ST6GAL1: variants seen among roughly 807,000 people sequenced by gnomAD.
ST6GAL1 encodes the protein ST6 beta-galactoside alpha-2,6-sialyltransferase 1.
Under a neutral mutation model 38.0 loss-of-function variants are expected in ST6GAL1, and 20 were observed. The ratio of observed to expected loss-of-function variants is 0.53; its 90% CI spans 0.37 to 0.77. ST6GAL1 has a LOEUF of 0.77. ST6GAL1 is among the 30% of genes least tolerant of loss of function. The pLI is 0.00. For missense variants in ST6GAL1, 432 were observed against 496.4 expected (o/e 0.87, Z 1.23); for synonymous variants, 196 against 188.2 (o/e 1.04, Z -0.34).
At chr3:186,991,700 C>A (rs1277563906) in intron 2 of ST6GAL1, among the ~76,000 whole-genome samples, 2 of 152,112 alleles carry the variant, frequency 1.3e-5, no homozygotes, top group African/African-American at 4.8e-5. Context: ...CACCGGCTGG[C>A]CTCATCCCAT....
At chr3:187,006,607 G>T (rs947209378) in intron 2 of ST6GAL1, 3 of 152,136 alleles carry the variant, frequency 2.0e-5, no homozygotes, top group Non-Finnish European at 4.4e-5. Flanking sequence ...TATGTGGTAA[G>T]TATTATTATT....
At chr3:186,945,277 G>A (rs1352702224) in intron 1 of ST6GAL1, among the ~76,000 whole-genome samples, 1 of 151,574 alleles carries the variant, frequency 6.6e-6, no homozygotes, top group Non-Finnish European at 1.5e-5. Context: ...CTGTGCTCTG[G>A]GCTGGGTGAA....
At chr3:187,007,777 C>G (rs1192933676) in intron 2 of ST6GAL1, among the ~76,000 whole-genome samples, 2 of 152,144 alleles carry the variant, frequency 1.3e-5, no homozygotes, top group African/African-American at 4.8e-5. Flanking sequence ...TGACCATTCT[C>G]CACTCTTGAA....
intron 1 of ST6GAL1, among the ~76,000 whole-genome samples, chr3:186,951,146 T>C (rs566341495): frequency 1.3e-5 from 2 of 152,330 alleles, no homozygotes; most frequent in African/African-American, 2.4e-5. Flanking sequence ...CTCGGTTCAC[T>C]GCGTGCAGCC....
intron 5 of ST6GAL1, among the ~76,000 whole-genome samples, chr3:187,052,443 C>A (rs1718548692): frequency 6.6e-6 from 1 of 152,160 alleles, no homozygotes; most frequent in African/African-American, 2.4e-5. Flanking sequence ...GCTATCCCTC[C>A]CCTTGCCCCC....
chr3:187,070,799 A>G (rs544059737), intron 5 of ST6GAL1, among the ~76,000 whole-genome samples: 1 of 152,150 alleles, frequency 6.6e-6, no homozygotes, highest in African/African-American at 2.4e-5. Context: ...CCATTGTTCA[A>G]TTGTCCACCT....
At position 186,984,931 on chromosome 3, in the gene ST6GAL1, T is replaced by C. The variant is rs140829533; in HGVS notation, c.-183+21005T>C. ...CTCTCTCTTTTCTTTCTTTCTGAGA[T>C]AGGGTCTCGCTCTGTCACCCAGGCT... is the stretch of plus-strand genomic sequence containing the variant. On this transcript the variant is annotated intron_variant, in intron 2 of 7. Transcript: ENST00000169298. 3.2e-3 allele frequency among the ~76,000 whole-genome samples: 490 copies of C among 151,048 alleles called. 5 individuals carry two copies. The highest frequency in any genetic ancestry group is 0.011 in the African/African-American group (452 of 41,032).
At chr3:186,938,609 T>A (rs1050083134) in intron 1 of ST6GAL1, among the ~76,000 whole-genome samples, 1 of 152,116 alleles carries the variant, frequency 6.6e-6, no homozygotes, top group African/African-American at 2.4e-5. Flanking sequence ...AAGCAGAAAG[T>A]TAATTAAAAT....
At chr3:187,011,611 G>A (rs1479834823) in intron 2 of ST6GAL1, among the ~76,000 whole-genome samples, 1 of 152,232 alleles carries the variant, frequency 6.6e-6, no homozygotes, top group African/African-American at 2.4e-5. Flanking sequence ...GGAGCTCAGA[G>A]CTGGGTTCCT....
At chr3:187,030,241 G>A (rs567997708) in intron 2 of ST6GAL1, among the ~76,000 whole-genome samples, 6 of 152,286 alleles carry the variant, frequency 3.9e-5, no homozygotes, top group Admixed American at 6.5e-5. Flanking sequence ...CATAGGTAGC[G>A]CTGTCTGCAC....
chr3:186,964,439 G>T (rs11712248), intron 2 of ST6GAL1: 28,863 of 152,104 alleles, frequency 0.19, 2,799 homozygotes, highest in African/African-American at 0.2. Flanking sequence ...AAAGGTAATA[G>T]GTGCTCATAG....
At position 187,075,475 on chromosome 3, in the gene ST6GAL1, G is replaced by C. The variant is rs200930590; in HGVS notation, c.980-87G>C. On this transcript the variant is annotated intron_variant, in intron 7 of 7. Coordinates refer to ENST00000169298, the MANE Select transcript of ST6GAL1 (RefSeq NM_173216.2). This position sits in a 1 kb window ranked among gnomAD's most constrained non-coding sequence, Gnocchi z 4.1. ...CAGAGGGAAAGCTCTCCAAATTTGGGGTCATGAGCTGCTGAACCCACTGGG... is the reference window on the plus strand; with the variant it reads ...CAGAGGGAAAGCTCTCCAAATTTGGCGTCATGAGCTGCTGAACCCACTGGG... 14 of 1,543,584 alleles carry C rather than the reference G, an allele frequency of 9.1e-6. No homozygotes were observed.
At chr3:187,000,646 G>A (rs928241803) in intron 2 of ST6GAL1, among the ~76,000 whole-genome samples, 4 of 152,194 alleles carry the variant, frequency 2.6e-5, no homozygotes, top group Non-Finnish European at 4.4e-5. Flanking sequence ...ATAGGCAATC[G>A]ATGGACTTCT....
chr3:187,052,041 T>C (rs1213679844), intron 5 of ST6GAL1, among the ~76,000 whole-genome samples: 1 of 152,160 alleles, frequency 6.6e-6, no homozygotes, highest in Non-Finnish European at 1.5e-5. Context: ...TGAATAAACA[T>C]ATGTGCTCTG....
chr3:187,027,413 T>C (rs1164457871), intron 2 of ST6GAL1, among the ~76,000 whole-genome samples: 1 of 152,068 alleles, frequency 6.6e-6, no homozygotes, highest in East Asian at 1.9e-4. Context: ...TCTCCCAACC[T>C]CCCAGACTAC....
At chr3:187,015,286 C>T (rs773307294) in intron 2 of ST6GAL1, among the ~76,000 whole-genome samples, 1 of 152,148 alleles carries the variant, frequency 6.6e-6, no homozygotes, top group Non-Finnish European at 1.5e-5. Flanking sequence ...CTAGGACCTT[C>T]GGAGTTATTC....
intron 2 of ST6GAL1, among the ~76,000 whole-genome samples, chr3:186,990,025 C>T (rs1716103142): frequency 6.6e-6 from 1 of 152,182 alleles, no homozygotes. Flanking sequence ...GTACCAGCTC[C>T]ATGACCTTGG....
intron 5 of ST6GAL1, chr3:187,064,381 C>T (rs755931293): frequency 7.7e-6 from 3 of 390,224 alleles, no homozygotes; most frequent in Non-Finnish European, 1.6e-5. Context: ...GCCCAGTAGG[C>T]ACATGTATTA....
chr3:187,011,046 G>A (rs1716940657), intron 2 of ST6GAL1, among the ~76,000 whole-genome samples: 2 of 152,144 alleles, frequency 1.3e-5, no homozygotes, highest in South Asian at 2.1e-4. Context: ...AAAGTGTGGC[G>A]TTTTCTCTAA....
Sources: allele counts gnomAD v4.1 joint callset (sites outside exome capture counted in the v4.1 genomes callset), GRCh38; gene constraint gnomAD v4.1.1; non-coding constraint Gnocchi (gnomAD v3.1); transcripts MANE v1.5; gene names NCBI Gene and HGNC (gene_info 2026-07-23, HGNC 2026-07-21).